ITPRID1: variants seen among roughly 807,000 people sequenced by gnomAD.
ITPRID1 encodes ITPR interacting domain containing 1.
A neutral mutation model predicts 95.4 loss-of-function variants in ITPRID1; 96 were observed. That is an observed-to-expected ratio of 1.01 (90% CI 0.85 to 1.19). The LOEUF is 1.19. Among genes scored for constraint, ITPRID1 ranks in the 50% most tolerant of loss-of-function variants. The probability of loss-of-function intolerance (pLI) is 0.00; values close to 1 mark genes in which losing one functional copy is unlikely to be tolerated. For synonymous variants in ITPRID1, 510 were observed against 453.6 expected (o/e 1.12, Z -1.58); for missense variants, 1,339 against 1,252.9 (o/e 1.07, Z -1.04).
downstream of ITPRID1, among the ~76,000 whole-genome samples, chr7:31,656,726 G>A (rs891617215): frequency 2.6e-5 from 4 of 152,178 alleles, no homozygotes; most frequent in Non-Finnish European, 5.9e-5. Flanking sequence ...TTGACAGTCA[G>A]AAAGATGACT....
chr7:31,598,745 G>C (rs1786215953), intron 10 of ITPRID1, among the ~76,000 whole-genome samples: 1 of 152,096 alleles, frequency 6.6e-6, no homozygotes, highest in Non-Finnish European at 1.5e-5. Flanking sequence ...AAAGGTAAAT[G>C]ACCATATAAA....
chr7:31,643,434 A>C lies in ITPRID1; in HGVS notation c.2064A>C (p.Leu688=). 1 of 1,613,970 alleles carries C rather than the reference A, an allele frequency of 6.2e-7. No individual in the cohort carries two copies. Among genetic ancestry groups the C allele is most frequent in the East Asian group, 2.2e-5 (1 of 44,870 alleles). ...KSRSGTLGQI[L]PGTEAEMENL... ...GGTCTGGTACTTTGGGTCAGATACT[A>C]CCTGGGACAGAAGCTGAGATGGAAA... The change falls in exon 12 of 15, where the codon CTA becomes CTC. Residue 688 remains leucine (L), a synonymous_variant. Transcript: ENST00000615280.
intron 10 of ITPRID1, among the ~76,000 whole-genome samples, chr7:31,622,775 A>G (rs554977013): frequency 1.3e-5 from 2 of 152,212 alleles, no homozygotes; most frequent in African/African-American, 2.4e-5. Context: ...AACTGAAGGA[A>G]ATAGAGACAC....
intron 12 of ITPRID1, among the ~76,000 whole-genome samples, chr7:31,647,714 G>A (rs949520680): frequency 4.1e-5 from 6 of 147,942 alleles, no homozygotes; most frequent in Non-Finnish European, 8.9e-5. Flanking sequence ...AGAAGAAGAC[G>A]ATGACGACAA....
rs1409487242 is a variant in ITPRID1, at chr7:31,554,748, C to T, written c.213-110C>T. The T allele has an allele frequency of 3.7e-6, 4 of 1,075,382 alleles. No individual in the cohort carries two copies. The Admixed American group carries it at 9.0e-5, about 24-fold the overall frequency. The allele number at this position is 1,075,382 out of a possible 1,614,324, so 66.6% of individuals were successfully genotyped here. ...GTTTATTGGTTTCTAAAAGTCCTCT[C>T]TTACTAAAACCTAACTCTGCATTTG... On this transcript the variant is annotated intron_variant, in intron 4 of 14. Transcript: ENST00000615280.
At chr7:31,547,527 G>A (rs1177556806) in intron 1 of ITPRID1, among the ~76,000 whole-genome samples, 1 of 151,070 alleles carries the variant, frequency 6.6e-6, no homozygotes, top group African/African-American at 2.4e-5. Context: ...ACAGCATGGA[G>A]GTAACTGCCT....
downstream of ITPRID1, chr7:31,658,419 C>A: frequency 1.4e-6 from 2 of 1,478,374 alleles, no homozygotes; most frequent in South Asian, 1.4e-5. Context: ...AGAAAATAAT[C>A]AGTTTCCAGA....
chr7:31,643,621 G>T lies in ITPRID1; in HGVS notation c.2251G>T (p.Gly751Trp). The T allele has an allele frequency of 6.2e-7, 1 of 1,613,968 alleles. No homozygotes were observed. The highest frequency in any genetic ancestry group is 1.1e-5 in the South Asian group (1 of 91,072). ...TGTTACCGCAACAGAAACAAGACTG[G>T]GGACAAAAGCAAGACAGTTAAATGA... ...DPVTATETRLGTKARQLNDAS... is the reference protein window; with the variant it reads ...DPVTATETRLWTKARQLNDAS... Residue 751 changes from glycine to tryptophan, a missense_variant, in exon 12 of 15, where the codon GGG becomes TGG. Coordinates refer to ENST00000615280, the MANE Select transcript of ITPRID1 (RefSeq NM_001257967.3).
intron 5 of ITPRID1, among the ~76,000 whole-genome samples, chr7:31,560,515 A>G (rs1301941649): frequency 6.6e-6 from 1 of 152,140 alleles, no homozygotes; most frequent in Non-Finnish European, 1.5e-5. Context: ...TCCAGAGGAG[A>G]GAGGATAGGG....
At chr7:31,550,435 C>A (rs1784247536) in intron 2 of ITPRID1, among the ~76,000 whole-genome samples, 1 of 152,088 alleles carries the variant, frequency 6.6e-6, no homozygotes, top group South Asian at 2.1e-4. Flanking sequence ...TTGGGGCGGA[C>A]AGACTAACTA....
At chr7:31,647,568 G>A (rs1790583073) in intron 12 of ITPRID1, among the ~76,000 whole-genome samples, 2 of 150,712 alleles carry the variant, frequency 1.3e-5, no homozygotes, top group South Asian at 4.2e-4. Flanking sequence ...CAGCTACTTG[G>A]AAGGCTGAGG....
At chr7:31,523,374 C>T (rs1347952402) in intron 1 of ITPRID1, among the ~76,000 whole-genome samples, 2 of 152,156 alleles carry the variant, frequency 1.3e-5, no homozygotes, top group Non-Finnish European at 2.9e-5. Context: ...AAACTGATTG[C>T]AAGACAAGGG....
At chr7:31,628,324 G>T (rs988187059) in intron 10 of ITPRID1, among the ~76,000 whole-genome samples, 2 of 152,024 alleles carry the variant, frequency 1.3e-5, no homozygotes, top group African/African-American at 4.8e-5. Flanking sequence ...GGCAAGGAAG[G>T]ACAAATAGAG....
intron 2 of ITPRID1, 110 bp from the exon 3 acceptor site, chr7:31,552,892 G>A (rs1335582344): frequency 1.8e-6 from 2 of 1,109,362 alleles, no homozygotes; most frequent in African/African-American, 3.1e-5. Flanking sequence ...CTGTGAAGCT[G>A]GATCATTCAT....
intron 10 of ITPRID1, among the ~76,000 whole-genome samples, chr7:31,609,382 A>C (rs1004411627): frequency 5.9e-5 from 9 of 151,610 alleles, no homozygotes; most frequent in Non-Finnish European, 1.0e-4. Context: ...AAATATTATT[A>C]ATGTTTCTTT....
intron 5 of ITPRID1, among the ~76,000 whole-genome samples, chr7:31,568,112 C>T (rs146590331): frequency 1.0e-4 from 14 of 133,976 alleles, no homozygotes; most frequent in Admixed American, 3.1e-4. Flanking sequence ...GGTGACAGAG[C>T]GAACTGTCTG....
At chr7:31,614,178 G>C (rs1787009178) in intron 10 of ITPRID1, among the ~76,000 whole-genome samples, 1 of 152,134 alleles carries the variant, frequency 6.6e-6, no homozygotes, top group South Asian at 2.1e-4. Context: ...ACCATCCAAT[G>C]CTTAAAATAC....
rs1052488085 is a variant in ITPRID1 at position 31,627,635 on chromosome 7, G to C, written c.1229-14541G>C. ...CGATCATGCCACTGCAATCCAGCCT[G>C]AGCAACAGAGCAAGACACTGTCTCA... On this transcript the variant is annotated intron_variant, in intron 10 of 14. Coordinates refer to ENST00000615280, the MANE Select transcript of ITPRID1 (RefSeq NM_001257967.3). Among the ~76,000 whole-genome samples, 5 of 111,540 alleles carry C rather than the reference G, an allele frequency of 4.5e-5. No homozygotes were observed. The Admixed American group carries it at 6.8e-4, about 15-fold the overall frequency. The allele number at this position is 111,540 out of a possible 152,430, so 73.2% of individuals were successfully genotyped here. A position where few individuals can be genotyped will look rare whatever the true frequency, so the allele number is the denominator to read the frequency against.
At chr7:31,554,290 C>G in intron 3 of ITPRID1, 185 bp from the exon 4 acceptor site, 1 of 1,103,638 alleles carries the variant, frequency 9.1e-7, no homozygotes. Flanking sequence ...ACTTCATTCT[C>G]AGGAAAGGCT....
Sources: gnomAD v4.1 joint callset for allele counts (sites outside exome capture counted in the v4.1 genomes callset) on GRCh38, gnomAD v4.1.1 for gene constraint, MANE v1.5 for transcripts, NCBI Gene and HGNC (gene_info 2026-07-23, HGNC 2026-07-21) for gene names.